Variants in LGR5 observed in about 807,000 individuals in gnomAD.
LGR5 encodes leucine rich repeat containing G protein-coupled receptor 5.
LGR5 carries 54 observed loss-of-function variants against 76.7 expected under a neutral mutation model. The observed-to-expected ratio is 0.70, with a 90% CI of 0.57 to 0.88. The LOEUF is 0.88. Among genes scored for constraint, LGR5 ranks in the 40% least tolerant of loss-of-function variants. The pLI is 0.00. For synonymous variants in LGR5, 406 were observed against 421.9 expected, an observed-to-expected ratio of 0.96 and a Z score of 0.46; for missense variants, 1,078 against 1,073.3, an observed-to-expected ratio of 1.00 and a Z score of -0.06.
chr12:71,542,706 G>A (rs983175154), intron 4 of LGR5, among the ~76,000 whole-genome samples: 1 of 152,156 alleles, frequency 6.6e-6, no homozygotes, highest in African/African-American at 2.4e-5. Flanking sequence ...ACAGCCATGT[G>A]CTTACTGAAG....
intron 1 of LGR5, among the ~76,000 whole-genome samples, chr12:71,470,672 C>T (rs748486661): frequency 3.3e-5 from 5 of 152,178 alleles, no homozygotes; most frequent in East Asian, 1.9e-4. Context: ...AAAATCCAAA[C>T]GCAGCCTATA....
chr12:71,534,369 A>G (rs1461388598), intron 3 of LGR5, among the ~76,000 whole-genome samples: 1 of 152,250 alleles, frequency 6.6e-6, no homozygotes, highest in East Asian at 1.9e-4. Flanking sequence ...GTGCAAGTGC[A>G]AAAACACAAA....
chr12:71,484,541 G>T (rs143569269), intron 1 of LGR5, among the ~76,000 whole-genome samples: 1 of 152,308 alleles, frequency 6.6e-6, no homozygotes, highest in African/African-American at 2.4e-5. Flanking sequence ...TTCCCTCTGA[G>T]TGGGGTCTTT....
chr12:71,538,606 T>C (rs940862342), intron 4 of LGR5, among the ~76,000 whole-genome samples: 1 of 152,224 alleles, frequency 6.6e-6, no homozygotes, highest in African/African-American at 2.4e-5. Flanking sequence ...TTCCCTCAGA[T>C]GATCTGCAAA....
chr12:71,494,020 T>G (rs1874199840), intron 1 of LGR5, among the ~76,000 whole-genome samples: 1 of 147,964 alleles, frequency 6.8e-6, no homozygotes, highest in Non-Finnish European at 1.5e-5. Flanking sequence ...CTCGGCTCAC[T>G]GCAAGCTCTG....
At chr12:71,548,815 TAC>T (rs71068775) in intron 4 of LGR5, among the ~76,000 whole-genome samples, 21,827 of 148,470 alleles carry the variant, frequency 0.15, 2,165 homozygotes, top group East Asian at 0.39. Flanking sequence ...CTAAGGTGCC[TAC>T]ACACACACAC....
chr12:71,444,804 G>A (rs1871910348), intron 1 of LGR5, among the ~76,000 whole-genome samples: 1 of 151,998 alleles, frequency 6.6e-6, no homozygotes, highest in Non-Finnish European at 1.5e-5. Flanking sequence ...ATTGTTTTCA[G>A]TTTTCAAAAT....
Position 71,531,600 on chromosome 12 carries a change from G to A in LGR5, c.357-3515G>A, listed in dbSNP as rs111583575. 8.3e-3 allele frequency among the ~76,000 whole-genome samples: 1,258 copies of A among 152,262 alleles called. 6 individuals carry two copies. The highest frequency in any genetic ancestry group is 0.015 in the Non-Finnish European group (1,030 of 68,004). On this transcript the variant is annotated intron_variant, in intron 3 of 17. Coordinates refer to ENST00000266674, the MANE Select transcript of LGR5 (RefSeq NM_003667.4). The stretch of plus-strand genomic sequence containing the variant: ...AAGTTATCATCGGTCAGGTGCGGTG[G>A]CTCATGCCTGTAATCCCAGCACTTT...
chr12:71,450,675 C>T (rs1872211185), intron 1 of LGR5, among the ~76,000 whole-genome samples: 4 of 152,130 alleles, frequency 2.6e-5, no homozygotes, highest in Non-Finnish European at 2.9e-5. Flanking sequence ...TATTTGATCA[C>T]ATTTTGGTTG....
At position 71,584,506 on chromosome 12, in the gene LGR5, G is replaced by A; in HGVS notation, c.2496G>A (p.Val832=). The change falls in exon 18 of 18, where the codon GTG becomes GTA. Residue 832 remains valine (V), a synonymous_variant. Coordinates refer to ENST00000266674, the MANE Select transcript of LGR5 (RefSeq NM_003667.4). ...LFNPHFKEDL[V]SLRKQTYVWT... ...ATCCTCACTTTAAGGAGGATCTGGT[G>A]AGCCTGAGAAAGCAAACCTACGTCT... 2 of 1,614,154 alleles carry A rather than the reference G, an allele frequency of 1.2e-6. No individual in the cohort carries two copies. The highest frequency in any genetic ancestry group is 1.7e-6 in the Non-Finnish European group (2 of 1,180,032).
chr12:71,462,148 A>G (rs1399411502), intron 1 of LGR5, among the ~76,000 whole-genome samples: 1 of 152,084 alleles, frequency 6.6e-6, no homozygotes, highest in East Asian at 1.9e-4. Flanking sequence ...CTGCTCAGAA[A>G]GCTCCAGCAA....
At chr12:71,474,350 T>G (rs1021327388) in intron 1 of LGR5, among the ~76,000 whole-genome samples, 2 of 152,210 alleles carry the variant, frequency 1.3e-5, no homozygotes, top group African/African-American at 4.8e-5. Flanking sequence ...GTACTGGTGT[T>G]TATAAGATGG....
intron 2 of LGR5, among the ~76,000 whole-genome samples, chr12:71,509,833 G>A (rs12826688): frequency 0.093 from 14,070 of 152,100 alleles, 695 homozygotes; most frequent in Non-Finnish European, 0.11. Context: ...AGCTCTAGGG[G>A]GGTCTGTTTT....
Position 71,584,174 on chromosome 12 carries a change from A to C in LGR5, c.2164A>C (p.Thr722Pro), listed in dbSNP as rs755222945. Residue 722 changes from threonine (T) to proline (P), a missense_variant, in exon 18 of 18, where the codon ACC becomes CCC. Thr to Pro is a conservative substitution (Grantham distance 38). Transcript: ENST00000266674. The stretch of plus-strand genomic sequence containing the variant: ...GCCTTTGCCTTTTGGGGAGCCCAGC[A>C]CCATGGGCTACATGGTCGCTCTCAT... Reference protein sequence around the residue: ...CLPLPFGEPSTMGYMVALILL... With the variant: ...CLPLPFGEPSPMGYMVALILL... 6.2e-7 allele frequency: 1 copy of C among 1,613,980 alleles called. No individual in the cohort carries two copies. Among genetic ancestry groups the C allele is most frequent in the Non-Finnish European group, 8.5e-7 (1 of 1,179,986 alleles).
At chr12:71,551,877 AAAAAC>A (rs1877501883) in intron 4 of LGR5, among the ~76,000 whole-genome samples, 1 of 152,242 alleles carries the variant, frequency 6.6e-6, no homozygotes. Flanking sequence ...AAAATGTCAG[AAAAAC>A]AAACATCTGC....
At chr12:71,529,211 G>C (rs1263568088) in intron 3 of LGR5, among the ~76,000 whole-genome samples, 1 of 152,132 alleles carries the variant, frequency 6.6e-6, no homozygotes, top group African/African-American at 2.4e-5. Flanking sequence ...TCACACTGCT[G>C]TAAAGAACTA....
chr12:71,523,988 T>C (rs1482895274), intron 2 of LGR5, among the ~76,000 whole-genome samples: 2 of 152,232 alleles, frequency 1.3e-5, no homozygotes, highest in Non-Finnish European at 2.9e-5. Context: ...TTTTGAGGTA[T>C]AGTTGCAACA....
intron 1 of LGR5, among the ~76,000 whole-genome samples, chr12:71,492,123 GA>G (rs1874102032): frequency 6.6e-6 from 1 of 152,062 alleles, no homozygotes; most frequent in Non-Finnish European, 1.5e-5. Context: ...TCTGTCAGTT[GA>G]GGAGGAAGCC....
intron 4 of LGR5, among the ~76,000 whole-genome samples, chr12:71,538,399 C>T (rs908343006): frequency 1.3e-5 from 2 of 151,976 alleles, no homozygotes; most frequent in Non-Finnish European, 2.9e-5. Flanking sequence ...GCCTATAATC[C>T]CAGCTACACA....
Sources: allele counts gnomAD v4.1 joint callset (sites outside exome capture counted in the v4.1 genomes callset), GRCh38; gene constraint gnomAD v4.1.1; transcripts MANE v1.5; gene names NCBI Gene and HGNC (gene_info 2026-07-23, HGNC 2026-07-21).